The following PCSK5 variants were observed in gnomAD, a reference collection of about 807,000 sequenced individuals.
The protein encoded by PCSK5 is proprotein convertase subtilisin/kexin type 5, also known as prohormone convertase 5.
Under a neutral mutation model 233.2 loss-of-function variants are expected in PCSK5, and 129 were observed. The ratio of observed to expected loss-of-function variants is 0.55; its 90% CI spans 0.48 to 0.64. PCSK5 has a LOEUF of 0.64. PCSK5 is among the 30% of genes least tolerant of loss of function. The pLI is 0.00. For missense variants in PCSK5, 2,076 were observed against 2,430.1 expected, an observed-to-expected ratio of 0.85 and a Z score of 3.06; for synonymous variants, 825 against 879.2, an observed-to-expected ratio of 0.94 and a Z score of 1.09.
chr9:75,976,746 A>G (rs1826040342), intron 2 of PCSK5, among the ~76,000 whole-genome samples: 1 of 151,630 alleles, frequency 6.6e-6, no homozygotes, highest in African/African-American at 2.4e-5. Flanking sequence ...TGTAATGTTA[A>G]TATTTTTATT....
rs765779289 is a variant in PCSK5, at chr9:76,154,725, C to CT, written c.1313-2320_1313-2319insT. ...GACATAACATCTTTGGTAAAAATTT[C>CT]AATTTCCCCAGGGTAGGGGAAAAAT... On this transcript the variant is annotated intron_variant, in intron 10 of 37. Transcript: ENST00000674117. 2.0e-5 allele frequency among the ~76,000 whole-genome samples: 3 copies of CT among 152,164 alleles called. No homozygotes were observed. The East Asian group carries it at 5.8e-4, about 29-fold the overall frequency.
chr9:76,270,729 G>A (rs1827486497), intron 24 of PCSK5, among the ~76,000 whole-genome samples: 1 of 152,178 alleles, frequency 6.6e-6, no homozygotes, highest in South Asian at 2.1e-4. Context: ...ACCAGCAGAG[G>A]GGTCAATGAT....
At position 76,115,219 on chromosome 9, in the gene PCSK5, C is replaced by A. The variant is rs373630282; in HGVS notation, c.1208+7868C>A. ...TGGGCCTACAGATTTTGCACCAAGA[C>A]CTGTAGCAAATTTCTCTGGCAATTA... On this transcript the variant is annotated intron_variant, in intron 9 of 37. Transcript: ENST00000674117. Among the ~76,000 whole-genome samples the A allele has an allele frequency of 4.1e-4, 62 of 152,146 alleles. No individual in the cohort carries two copies. In the South Asian group the frequency reaches 0.012, roughly 29 times the overall value.
intron 9 of PCSK5, among the ~76,000 whole-genome samples, chr9:76,113,874 A>G (rs933546688): frequency 6.6e-6 from 1 of 152,128 alleles, no homozygotes; most frequent in African/African-American, 2.4e-5. Context: ...CAGGGAGCAC[A>G]AGTGTATTTG....
At chr9:76,277,925 C>T (rs935603107) in intron 24 of PCSK5, among the ~76,000 whole-genome samples, 1 of 152,264 alleles carries the variant, frequency 6.6e-6, no homozygotes, top group African/African-American at 2.4e-5. Flanking sequence ...CAGTGACTCT[C>T]CTGCAAATTT....
At chr9:76,313,166 G>A (rs1026700742) in intron 30 of PCSK5, among the ~76,000 whole-genome samples, 1 of 152,100 alleles carries the variant, frequency 6.6e-6, no homozygotes, top group Admixed American at 6.5e-5. Context: ...CAAATACATG[G>A]TGTGGCCAGA....
intron 1 of PCSK5, among the ~76,000 whole-genome samples, chr9:75,908,283 T>C (rs535443921): frequency 1.3e-5 from 2 of 152,324 alleles, no homozygotes; most frequent in Admixed American, 1.3e-4. Context: ...GCCTTCAGGC[T>C]TGGGTAGATA....
At chr9:76,188,782 G>A (rs1375458058) in intron 18 of PCSK5, 107 bp downstream of exon 18, 9 of 786,114 alleles carry the variant, frequency 1.1e-5, no homozygotes, top group African/African-American at 1.0e-4. Flanking sequence ...AAGTAATGCT[G>A]GAAAAGTTTA....
chr9:76,029,667 C>G (rs1024964961), intron 5 of PCSK5, among the ~76,000 whole-genome samples: 1 of 152,178 alleles, frequency 6.6e-6, no homozygotes, highest in African/African-American at 2.4e-5. Flanking sequence ...TTTGTACCCT[C>G]TAATACCTAT....
At chr9:76,324,196 GATA>G (rs1353002999) in intron 32 of PCSK5, among the ~76,000 whole-genome samples, 3 of 151,830 alleles carry the variant, frequency 2.0e-5, no homozygotes, top group Non-Finnish European at 4.4e-5. Flanking sequence ...AAAGTGCTGG[GATA>G]ATAAGCGTGA....
Position 76,124,745 on chromosome 9 carries a change from CAAAAAAAAAA to C in PCSK5, c.1209-9349_1209-9340del, listed in dbSNP as rs58659276. Among the ~76,000 whole-genome samples the C allele has an allele frequency of 9.2e-3, 847 of 92,138 alleles. 6 individuals are homozygous for C. Among genetic ancestry groups the C allele is most frequent in the Non-Finnish European group, 0.013 (654 of 48,520 alleles). 60.4% of individuals were successfully genotyped at this position (92,138 alleles called of 152,430 possible). A position where few individuals can be genotyped will look rare whatever the true frequency, so the allele number is the denominator to read the frequency against. On this transcript the variant is annotated intron_variant, in intron 9 of 37. Transcript: ENST00000674117. ...CTGGCGACAGAGCAAGACTCCATCT[CAAAAAAAAAA>C]AAAAAAAAAAAAAATGCAAGAAGTC...
At chr9:75,896,468 G>A (rs1340535267) in intron 1 of PCSK5, among the ~76,000 whole-genome samples, 2 of 152,222 alleles carry the variant, frequency 1.3e-5, no homozygotes, top group African/African-American at 2.4e-5. Flanking sequence ...TTGGCTGAGA[G>A]AGGGAGTCCT....
chr9:76,251,995 T>C (rs7875386), intron 24 of PCSK5, among the ~76,000 whole-genome samples: 2,260 of 150,998 alleles, frequency 0.015, 76 homozygotes, highest in African/African-American at 0.052. Flanking sequence ...AGGCCGGGCG[T>C]GGTGGCTCAC....
At chr9:76,039,503 A>G (rs978570544) in intron 5 of PCSK5, among the ~76,000 whole-genome samples, 29 of 152,206 alleles carry the variant, frequency 1.9e-4, no homozygotes, top group Admixed American at 1.3e-3. Context: ...GGAAACAGAA[A>G]AATGTGTATG....
intron 5 of PCSK5, among the ~76,000 whole-genome samples, chr9:76,027,753 T>C (rs1828490626): frequency 6.6e-6 from 1 of 152,112 alleles, no homozygotes; most frequent in Admixed American, 6.6e-5. Flanking sequence ...CTTACAATAT[T>C]AGTAGACATT....
At chr9:76,325,642 T>C (rs1324485990) in intron 32 of PCSK5, among the ~76,000 whole-genome samples, 3 of 151,308 alleles carry the variant, frequency 2.0e-5, no homozygotes, top group Non-Finnish European at 2.9e-5. Flanking sequence ...ACATTGCACT[T>C]TCTTTTTTTT....
chr9:76,108,701 C>T (rs995179769), intron 9 of PCSK5, among the ~76,000 whole-genome samples: 3 of 152,092 alleles, frequency 2.0e-5, no homozygotes, highest in Admixed American at 6.5e-5. Flanking sequence ...TGCAGTGAGC[C>T]GAGATCGCCC....
chr9:76,266,398 C>T (rs1344268575), intron 24 of PCSK5, among the ~76,000 whole-genome samples: 1 of 152,166 alleles, frequency 6.6e-6, no homozygotes, highest in Non-Finnish European at 1.5e-5. Flanking sequence ...GGGATCATGG[C>T]AGCTTGGGTC....
chr9:75,959,101 G>A (rs577774400), intron 2 of PCSK5, among the ~76,000 whole-genome samples: 1 of 152,326 alleles, frequency 6.6e-6, no homozygotes, highest in South Asian at 2.1e-4. Context: ...TGTGAAGAAA[G>A]TTTGCTCATG....
Sources: allele counts gnomAD v4.1 joint callset (sites outside exome capture counted in the v4.1 genomes callset), GRCh38; gene constraint gnomAD v4.1.1; transcripts MANE v1.5; gene names NCBI Gene and HGNC (gene_info 2026-07-23, HGNC 2026-07-21).